Variants in ACSL4 observed in about 807,000 individuals in gnomAD.
The protein encoded by ACSL4 is acyl-CoA synthetase long chain family member 4.
Under a neutral mutation model 49.1 loss-of-function variants are expected in ACSL4, and 9 were observed. The ratio of observed to expected loss-of-function variants is 0.18; its 90% confidence interval spans 0.11 to 0.32. The LOEUF (loss-of-function observed/expected upper bound fraction) is 0.32. Ranked by LOEUF, ACSL4 falls within the 10% of genes least tolerant of loss-of-function variation. ACSL4 has a pLI of 1.00. For missense variants in ACSL4, 333 were observed against 493.7 expected (o/e 0.67, Z 3.08); for synonymous variants, 191 against 170.3 (o/e 1.12, Z -0.95).
chrX:109,715,171 A>G (rs1461341156), intron 1 of ACSL4, among the ~76,000 whole-genome samples: 1 of 112,336 alleles, frequency 8.9e-6, no homozygotes, highest in African/African-American at 3.2e-5. Flanking sequence ...ATAATTTTGA[A>G]TTCTGAAACC....
chrX:109,726,844 T>C (rs1010641292), intron 1 of ACSL4, among the ~76,000 whole-genome samples: 2 of 108,111 alleles, frequency 1.8e-5, no homozygotes, highest in Non-Finnish European at 3.8e-5. Flanking sequence ...ATGCCTGGCT[T>C]TTTTTGTTGT....
chrX:109,671,913 C>T (rs1245783916), intron 9 of ACSL4, among the ~76,000 whole-genome samples: 1 of 109,401 alleles, frequency 9.1e-6, no homozygotes, highest in African/African-American at 3.3e-5. Flanking sequence ...TCCCTAATCT[C>T]AAGTACCCAG....
At position 109,641,946 on chromosome X, in the gene ACSL4, T is replaced by A. The variant is rs1464967183; in HGVS notation, c.*2083A>T. On this transcript the variant is annotated 3_prime_UTR_variant, in exon 16 of 16. Transcript: ENST00000672401. ...AATACTTGAAAAGTCACTATGGATA[T>A]GGAAAGATTTGTTTACATAAACATG... is the stretch of plus-strand genomic sequence containing the variant. 2.7e-5 allele frequency: 3 copies of A among 112,367 alleles called. No homozygotes were observed. The highest frequency in any genetic ancestry group is 9.7e-5 in the African/African-American group (3 of 30,893). The allele number at this position is 112,367 out of a possible 1,213,427, so 9.3% of individuals were successfully genotyped here.
At chrX:109,724,012 T>C (rs1429040753) in intron 1 of ACSL4, among the ~76,000 whole-genome samples, 1 of 112,203 alleles carries the variant, frequency 8.9e-6, no homozygotes. Flanking sequence ...CTGCCACTTT[T>C]TGCTTTTTGT....
At chrX:109,649,367 C>T (rs932413298) in intron 15 of ACSL4, among the ~76,000 whole-genome samples, 15 of 111,060 alleles carry the variant, frequency 1.4e-4, no homozygotes, top group Middle Eastern at 4.2e-3. Flanking sequence ...TCACAAATAA[C>T]GCCACATATC....
chrX:109,681,883 C>T (rs1346570986), intron 4 of ACSL4, among the ~76,000 whole-genome samples: 1 of 110,134 alleles, frequency 9.1e-6, no homozygotes, highest in African/African-American at 3.3e-5. Flanking sequence ...GACCTCCACA[C>T]CTTAATTAGA....
At chrX:109,672,905 T>C (rs1479239973) in intron 9 of ACSL4, among the ~76,000 whole-genome samples, 3 of 110,356 alleles carry the variant, frequency 2.7e-5, no homozygotes, top group Non-Finnish European at 5.7e-5. Flanking sequence ...GGAGCAAAGG[T>C]AATAAGTGTG....
chrX:109,648,776 C>G (rs1312463937), intron 15 of ACSL4, among the ~76,000 whole-genome samples: 11 of 101,309 alleles, frequency 1.1e-4, no homozygotes, highest in African/African-American at 4.0e-4. Context: ...CTAGAAAACC[C>G]CATTGTCTCA....
chrX:109,674,557 G>A (rs1364022437), intron 8 of ACSL4, 84 bp from the exon 9 acceptor site: 2 of 669,240 alleles, frequency 3.0e-6, no homozygotes, highest in African/African-American at 4.3e-5. Flanking sequence ...AAATACAGAA[G>A]TTACACTTGG....
At chrX:109,665,707 T>G (rs1261815224) in intron 11 of ACSL4, among the ~76,000 whole-genome samples, 1 of 64,101 alleles carries the variant, frequency 1.6e-5, no homozygotes, top group Non-Finnish European at 2.5e-5. Flanking sequence ...ATATTTTATG[T>G]AATTAAGTAC....
At position 109,730,138 on chromosome X, in the gene ACSL4, T is replaced by C. The variant is rs1928312370; in HGVS notation, c.-66+3001A>G. Among the ~76,000 whole-genome samples the C allele has an allele frequency of 2.7e-5, 3 of 112,356 alleles. No homozygotes were observed. The Admixed American group carries it at 2.8e-4, about 11-fold the overall frequency. Reference sequence around the variant, plus strand: ...ACGAAATCTGAGTAAGGTTGATGGATTGCATCGATTTCAATTTTGTAGTTG... The same window carrying C: ...ACGAAATCTGAGTAAGGTTGATGGACTGCATCGATTTCAATTTTGTAGTTG... On this transcript the variant is annotated intron_variant, in intron 1 of 15. Transcript: ENST00000672401.
chrX:109,644,253 C>A, intron 15 of ACSL4, 67 bp from the exon 16 acceptor site: 1 of 1,014,981 alleles, frequency 9.9e-7, no homozygotes, highest in East Asian at 3.2e-5. Flanking sequence ...GGAGTGGGGA[C>A]GGGGAAAGAA....
chrX:109,654,258 C>G (rs969330048), intron 15 of ACSL4, among the ~76,000 whole-genome samples: 2 of 110,623 alleles, frequency 1.8e-5, no homozygotes, highest in African/African-American at 6.6e-5. Flanking sequence ...AGTATATATA[C>G]CAAAATGTAA....
At chrX:109,715,470 C>T (rs1927055799) in intron 1 of ACSL4, among the ~76,000 whole-genome samples, 1 of 110,161 alleles carries the variant, frequency 9.1e-6, no homozygotes, top group African/African-American at 3.3e-5. Context: ...GAAACCCTGT[C>T]TCTACAAAAA....
At chrX:109,684,432 CA>C (rs1222990915) in intron 2 of ACSL4, among the ~76,000 whole-genome samples, 1 of 111,774 alleles carries the variant, frequency 8.9e-6, no homozygotes, top group Non-Finnish European at 1.9e-5. Context: ...GGAACGGGGA[CA>C]GGGGGTGCAA....
chrX:109,733,200 A>C lies in ACSL4; in HGVS notation c.-127T>G. 3.0e-6 allele frequency: 1 copy of C among 328,331 alleles called. No individual in the cohort carries two copies. The highest frequency in any genetic ancestry group is 5.9e-6 in the Non-Finnish European group (1 of 169,121). 27.1% of individuals were successfully genotyped at this position (328,331 alleles called of 1,213,427 possible). On this transcript the variant is annotated 5_prime_UTR_variant, in exon 1 of 16. Coordinates refer to ENST00000672401, the MANE Select transcript of ACSL4 (RefSeq NM_001318510.2). ...GCGCCTGGCACTCGGAAAGCTCGCA[A>C]AAAGGAACCGCGTGCCCGCTAGCGC...
At chrX:109,726,961 C>T (rs1474024515) in intron 1 of ACSL4, among the ~76,000 whole-genome samples, 1 of 110,502 alleles carries the variant, frequency 9.0e-6, no homozygotes, top group African/African-American at 3.3e-5. Context: ...AAGCAATCTT[C>T]CCACCTTGGC....
intron 1 of ACSL4, among the ~76,000 whole-genome samples, chrX:109,712,632 G>T (rs1310268082): frequency 8.9e-6 from 1 of 112,077 alleles, no homozygotes; most frequent in Admixed American, 9.5e-5. Context: ...TGGCATAGGT[G>T]GGGAAAATAA....
chrX:109,730,131 T>C (rs531228723), intron 1 of ACSL4, among the ~76,000 whole-genome samples: 79 of 112,518 alleles, frequency 7.0e-4, no homozygotes, highest in East Asian at 3.9e-3. Flanking sequence ...TGAGTAAGGT[T>C]GATGGATTGC....
Sources: allele counts gnomAD v4.1 joint callset (sites outside exome capture counted in the v4.1 genomes callset), GRCh38; gene constraint gnomAD v4.1.1; transcripts MANE v1.5; gene names NCBI Gene and HGNC (gene_info 2026-07-23, HGNC 2026-07-21).